Variants in RNF24 observed in about 807,000 individuals in gnomAD.
RNF24 encodes the protein ring finger protein 24.
Under a neutral mutation model 20.0 loss-of-function variants are expected in RNF24, and 14 were observed. The ratio of observed to expected loss-of-function variants is 0.70; its 90% CI spans 0.46 to 1.10. The LOEUF (loss-of-function observed/expected upper bound fraction) is 1.10. RNF24 is among the 50% of genes least tolerant of loss of function. The probability of loss-of-function intolerance (pLI) is 0.00; values close to 1 mark genes in which losing one functional copy is unlikely to be tolerated. For synonymous variants in RNF24, 45 were observed against 61.1 expected (o/e 0.74, Z 1.23); for missense variants, 124 against 177.6 (o/e 0.70, Z 1.71).
chr20:3,971,392 G>A (rs6116134), intron 1 of RNF24, among the ~76,000 whole-genome samples: 1,550 of 152,224 alleles, frequency 0.01, 17 homozygotes, highest in African/African-American at 0.035. Flanking sequence ...CTTAACAGAA[G>A]GGAAATGATA....
chr20:3,956,064 T>C (rs1025257927), intron 2 of RNF24, among the ~76,000 whole-genome samples: 1 of 152,070 alleles, frequency 6.6e-6, no homozygotes, highest in African/African-American at 2.4e-5. Flanking sequence ...CTGTATAGGA[T>C]CATATCATCT....
In RNF24 at chr20:3,934,943, T is replaced by C. The variant is rs2090871915; in HGVS notation, c.308+51A>G. 2 of 1,499,472 alleles carry C rather than the reference T, an allele frequency of 1.3e-6. No homozygotes were observed. Among genetic ancestry groups the C allele is most frequent in the East Asian group, 4.5e-5 (2 of 44,344 alleles). 92.9% of individuals were successfully genotyped at this position (1,499,472 alleles called of 1,614,324 possible). A position where few individuals can be genotyped will look rare whatever the true frequency, so the allele number is the denominator to read the frequency against. On this transcript the variant is annotated intron_variant, in intron 5 of 5. Transcript: ENST00000358395. This position sits in a 1 kb window ranked among gnomAD's most constrained non-coding sequence, Gnocchi z 4.0. ...GCCCTAAAACCCAAAAGAAGTTGGT[T>C]GATGTGCCTCAAACTCGGGTCCCAT...
chr20:4,002,043 G>A (rs1981440735), intron 1 of RNF24, among the ~76,000 whole-genome samples: 1 of 152,070 alleles, frequency 6.6e-6, no homozygotes, highest in East Asian at 1.9e-4. Context: ...AGGAGGTCAG[G>A]AGATCGAGAC....
At chr20:3,996,407 T>C (rs1412504108) in intron 1 of RNF24, among the ~76,000 whole-genome samples, 1 of 152,206 alleles carries the variant, frequency 6.6e-6, no homozygotes, top group South Asian at 2.1e-4. Flanking sequence ...ATTCTCCGAA[T>C]GGACATTTCC....
chr20:3,974,613 T>C (rs1419502408), intron 1 of RNF24, among the ~76,000 whole-genome samples: 1 of 152,032 alleles, frequency 6.6e-6, no homozygotes, highest in East Asian at 1.9e-4. Context: ...AAATTAGCAA[T>C]GAACATAGGA....
intron 1 of RNF24, among the ~76,000 whole-genome samples, chr20:3,993,288 TCA>T (rs1980599918): frequency 6.6e-6 from 1 of 151,674 alleles, no homozygotes; most frequent in African/African-American, 2.4e-5. Context: ...AACTGAAAAC[TCA>T]CATCTTTTTT....
At chr20:3,964,524 A>ATT (rs140868658) in intron 1 of RNF24, among the ~76,000 whole-genome samples, 3 of 150,182 alleles carry the variant, frequency 2.0e-5, no homozygotes, top group Non-Finnish European at 4.4e-5. Flanking sequence ...TTTTCAAGTA[A>ATT]TTTTTTTTTT....
rs1485144443 is a variant in RNF24 at position 3,930,237 on chromosome 20, T to G, written c.*3826A>C. 1 of 152,194 alleles carries G rather than the reference T, an allele frequency of 6.6e-6. No individual in the cohort carries two copies. Among genetic ancestry groups the G allele is most frequent in the Non-Finnish European group, 1.5e-5 (1 of 68,040 alleles). The allele number at this position is 152,194 out of a possible 1,614,324, so 9.4% of individuals were successfully genotyped here. ...ACATTAAGAAAGAAATATTCAGCAC[T>G]GAACAACCAAGTCAGAGTTCACTGT... On this transcript the variant is annotated 3_prime_UTR_variant, in exon 6 of 6. Coordinates refer to ENST00000358395, the MANE Select transcript of RNF24 (RefSeq NM_001134337.3).
At chr20:3,994,691 G>T (rs1425348213) in intron 1 of RNF24, among the ~76,000 whole-genome samples, 1 of 152,148 alleles carries the variant, frequency 6.6e-6, no homozygotes, top group Non-Finnish European at 1.5e-5. Context: ...TCTGGGAGAA[G>T]TGTCAACAGG....
chr20:3,960,872 C>T (rs2091194115), intron 2 of RNF24, among the ~76,000 whole-genome samples: 1 of 151,924 alleles, frequency 6.6e-6, no homozygotes, highest in South Asian at 2.1e-4. Flanking sequence ...TGGCTCAATG[C>T]AACCTCTGCC....
chr20:3,989,743 G>A (rs1226427481), intron 1 of RNF24, among the ~76,000 whole-genome samples: 1 of 152,120 alleles, frequency 6.6e-6, no homozygotes, highest in Non-Finnish European at 1.5e-5. Context: ...CTGATGGTGT[G>A]AGAGTCTCCA....
intron 1 of RNF24, among the ~76,000 whole-genome samples, chr20:3,999,742 C>G (rs188794572): frequency 6.6e-6 from 1 of 152,136 alleles, no homozygotes; most frequent in Non-Finnish European, 1.5e-5. Flanking sequence ...CAACGAGAGG[C>G]GAAACTCTGT....
intron 1 of RNF24, among the ~76,000 whole-genome samples, chr20:3,970,784 A>G (rs6052203): frequency 0.88 from 134,260 of 152,154 alleles, 59,559 homozygotes; most frequent in Non-Finnish European, 0.92. Context: ...GGTGACTCAC[A>G]CCTGTAATCC....
At chr20:3,944,461 C>T (rs928687772) in intron 4 of RNF24, among the ~76,000 whole-genome samples, 3 of 152,064 alleles carry the variant, frequency 2.0e-5, no homozygotes, top group African/African-American at 2.4e-5. Flanking sequence ...AGGCTATATG[C>T]GACACTGCTA....
At chr20:3,972,875 C>T (rs1038679579) in intron 1 of RNF24, among the ~76,000 whole-genome samples, 5 of 149,884 alleles carry the variant, frequency 3.3e-5, no homozygotes, top group East Asian at 2.0e-4. Context: ...TGCACTCCAA[C>T]GTGGGCGACA....
intron 1 of RNF24, among the ~76,000 whole-genome samples, chr20:4,009,857 T>G (rs1025222357): frequency 5.9e-5 from 9 of 152,088 alleles, no homozygotes; most frequent in Admixed American, 1.3e-4. Context: ...AATTTTAAAA[T>G]TTTTAAAGAG....
intron 2 of RNF24, among the ~76,000 whole-genome samples, chr20:3,954,102 T>A (rs2091114325): frequency 6.6e-6 from 1 of 152,150 alleles, no homozygotes; most frequent in Non-Finnish European, 1.5e-5. Context: ...TTTACTCACA[T>A]TACAACTAAC....
chr20:3,995,658 A>G (rs1468204765), intron 1 of RNF24, among the ~76,000 whole-genome samples: 1 of 152,152 alleles, frequency 6.6e-6, no homozygotes, highest in Non-Finnish European at 1.5e-5. Context: ...TTACAGTCCT[A>G]AGCACTGCCT....
chr20:3,980,357 T>G (rs1055395047), intron 1 of RNF24, among the ~76,000 whole-genome samples: 1 of 152,118 alleles, frequency 6.6e-6, no homozygotes, highest in Admixed American at 6.6e-5. Flanking sequence ...GAGTCCTACG[T>G]TTTTTTGAAC....
Sources: allele counts gnomAD v4.1 joint callset (sites outside exome capture counted in the v4.1 genomes callset), GRCh38; gene constraint gnomAD v4.1.1; non-coding constraint Gnocchi (gnomAD v3.1); transcripts MANE v1.5; gene names NCBI Gene and HGNC (gene_info 2026-07-23, HGNC 2026-07-21).